KCNE1: variants seen among roughly 807,000 people sequenced by gnomAD.
KCNE1 encodes the protein potassium voltage-gated channel subfamily E regulatory subunit 1.
KCNE1 carries 1 observed loss-of-function variant against 2.9 expected under a neutral mutation model. The ratio of observed to expected loss-of-function variants is 0.34; its 90% confidence interval spans 0.12 to 1.62. KCNE1 has a LOEUF of 1.62. KCNE1 is among the 40% of genes most tolerant of loss of function. KCNE1 has a pLI of 0.36. For missense variants in KCNE1, 45 were observed against 150.5 expected, an observed-to-expected ratio of 0.30 and a Z score of 3.67; for synonymous variants, 23 against 65.4, an observed-to-expected ratio of 0.35 and a Z score of 3.13.
rs187627531 is a variant in KCNE1 at position 34,499,632 on chromosome 21, A to G, written c.-162+11469T>C. On this transcript the variant is annotated intron_variant, in intron 2 of 3. Coordinates refer to ENST00000399286, the MANE Select transcript of KCNE1 (RefSeq NM_000219.6). ...CACTGCTGCTTCTACTTTTATAGAA[A>G]ATATTTTGTACTAAATCCATTTCAG... Among the ~76,000 whole-genome samples the G allele has an allele frequency of 9.8e-5, 15 of 152,310 alleles. No individual in the cohort carries two copies. The East Asian group carries it at 2.9e-3, about 29-fold the overall frequency.
chr21:34,511,331 A>T lies in KCNE1; in HGVS notation c.-376-16T>A. On this transcript the variant is annotated splice_polypyrimidine_tract_variant and intron_variant, in intron 1 of 3. Transcript: ENST00000399286. ...TTGGTGGTTGCTAAGGTTTGAAAAA[A>T]GCCAGCTGGAAACTTAATCCCCAAA... is the stretch of plus-strand genomic sequence containing the variant. 2 of 985,442 alleles carry T rather than the reference A, an allele frequency of 2.0e-6. No individual in the cohort carries two copies. The highest frequency in any genetic ancestry group is 2.4e-6 in the Non-Finnish European group (2 of 829,902). The allele number at this position is 985,442 out of a possible 1,614,324, so 61.0% of individuals were successfully genotyped here.
At chr21:34,498,604 G>A (rs1982952093) in intron 2 of KCNE1, among the ~76,000 whole-genome samples, 1 of 152,244 alleles carries the variant, frequency 6.6e-6, no homozygotes, top group Non-Finnish European at 1.5e-5. Flanking sequence ...CGTGGAGGTG[G>A]CCAGGGAATG....
intron 2 of KCNE1, among the ~76,000 whole-genome samples, chr21:34,497,877 C>CT (rs111292384): frequency 8.6e-5 from 13 of 151,044 alleles, no homozygotes; most frequent in African/African-American, 2.4e-4. Flanking sequence ...TTTTTAAATT[C>CT]TTTTTTTTTC....
chr21:34,505,426 C>T (rs931319237), intron 2 of KCNE1, among the ~76,000 whole-genome samples: 29 of 152,054 alleles, frequency 1.9e-4, no homozygotes, highest in African/African-American at 5.8e-4. Context: ...CGAGCCACCA[C>T]GCCTGACCAC....
chr21:34,508,394 G>A lies in KCNE1; in HGVS notation c.-162+2707C>T, dbSNP rs572667450. 2.6e-5 allele frequency among the ~76,000 whole-genome samples: 4 copies of A among 152,162 alleles called. No homozygotes were observed. In the South Asian group the frequency reaches 8.3e-4, roughly 32 times the overall value. On this transcript the variant is annotated intron_variant, in intron 2 of 3. Transcript: ENST00000399286. ...GTCTTGCTCTGTCACCCAGGCTGGA[G>A]TGCAATGGCGCCATCTCAGCTCACT... is the stretch of plus-strand genomic sequence containing the variant.
intron 2 of KCNE1, among the ~76,000 whole-genome samples, chr21:34,496,080 T>C (rs1982789716): frequency 6.6e-6 from 1 of 152,058 alleles, no homozygotes; most frequent in South Asian, 2.1e-4. Flanking sequence ...CAAATACTTT[T>C]TTTTTTCTTT....
At chr21:34,498,691 G>A (rs991666003) in intron 2 of KCNE1, among the ~76,000 whole-genome samples, 4 of 152,254 alleles carry the variant, frequency 2.6e-5, no homozygotes, top group Non-Finnish European at 4.4e-5. Context: ...TATGTTAACA[G>A]TGAAGTTGTC....
intron 2 of KCNE1, chr21:34,509,439 CCTT>C (rs1446255783): frequency 1.3e-5 from 2 of 151,550 alleles, no homozygotes; most frequent in East Asian, 1.9e-4. Context: ...GGATAATCTT[CCTT>C]CTTTTTTTTT....
intron 2 of KCNE1, among the ~76,000 whole-genome samples, chr21:34,497,935 C>T (rs577399834): frequency 2.6e-4 from 40 of 151,700 alleles, no homozygotes; most frequent in African/African-American, 8.2e-4. Context: ...GTCTTGCCTT[C>T]GAGCTCTGAA....
intron 2 of KCNE1, among the ~76,000 whole-genome samples, chr21:34,496,615 C>T (rs571150073): frequency 1.4e-4 from 22 of 152,008 alleles, no homozygotes; most frequent in Non-Finnish European, 2.1e-4. Context: ...CATGTGCTGA[C>T]GAAAAGAATG....
At chr21:34,511,753 CT>C (rs1377412566) in intron 1 of KCNE1, among the ~76,000 whole-genome samples, 2 of 152,226 alleles carry the variant, frequency 1.3e-5, no homozygotes, top group Non-Finnish European at 2.9e-5. Flanking sequence ...CTGCCCTGCC[CT>C]GCACACAGGA....
intron 2 of KCNE1, among the ~76,000 whole-genome samples, chr21:34,509,105 C>T (rs1369162173): frequency 1.3e-5 from 2 of 152,202 alleles, no homozygotes; most frequent in Admixed American, 6.5e-5. Flanking sequence ...ACTGCAGGTA[C>T]GGGTTGGCTG....
chr21:34,504,090 T>C (rs1343572227), intron 2 of KCNE1, among the ~76,000 whole-genome samples: 1 of 152,196 alleles, frequency 6.6e-6, no homozygotes, highest in East Asian at 1.9e-4. Context: ...TGAGCTCACA[T>C]GGGAAAGATC....
chr21:34,502,047 G>C (rs780911450), intron 2 of KCNE1, among the ~76,000 whole-genome samples: 1 of 152,142 alleles, frequency 6.6e-6, no homozygotes, highest in Non-Finnish European at 1.5e-5. Context: ...TGGGTATTGG[G>C]GACAGAGGAG....
At chr21:34,511,897 C>T (rs1184859348) in intron 1 of KCNE1, 130 bp downstream of exon 1, 1 of 152,266 alleles carries the variant, frequency 6.6e-6, no homozygotes, top group East Asian at 1.9e-4. Context: ...TTAAGCTGAG[C>T]TTAGAGCAAA....
chr21:34,501,832 T>G (rs1390954447), intron 2 of KCNE1, among the ~76,000 whole-genome samples: 2 of 152,194 alleles, frequency 1.3e-5, no homozygotes, highest in Non-Finnish European at 2.9e-5. Context: ...TGTCCAGGAC[T>G]TCTGCAGGTT....
At chr21:34,496,950 A>C (rs1294474979) in intron 2 of KCNE1, among the ~76,000 whole-genome samples, 1 of 152,024 alleles carries the variant, frequency 6.6e-6, no homozygotes, top group Non-Finnish European at 1.5e-5. Flanking sequence ...GTTGTGTTAA[A>C]GTCTGTTTTG....
At position 34,506,522 on chromosome 21, in the gene KCNE1, C is replaced by T. The variant is rs117091871; in HGVS notation, c.-162+4579G>A. On this transcript the variant is annotated intron_variant, in intron 2 of 3. Transcript: ENST00000399286. ...TGCGTCACCCACTTTGCCTTAGGTTCCATTACCTAAGGGACAGACCTGGTG... is the reference window on the plus strand; with the variant it reads ...TGCGTCACCCACTTTGCCTTAGGTTTCATTACCTAAGGGACAGACCTGGTG... 3.9e-3 allele frequency among the ~76,000 whole-genome samples: 594 copies of T among 152,202 alleles called. 4 individuals are homozygous for T. Among genetic ancestry groups the T allele is most frequent in the Non-Finnish European group, 6.8e-3 (461 of 68,002 alleles).
chr21:34,505,808 G>A (rs1341231423), intron 2 of KCNE1, among the ~76,000 whole-genome samples: 2 of 152,194 alleles, frequency 1.3e-5, no homozygotes, highest in African/African-American at 4.8e-5. Context: ...ATGCATTACT[G>A]TAGCTCAAAC....
Sources: allele counts gnomAD v4.1 joint callset (sites outside exome capture counted in the v4.1 genomes callset), GRCh38; gene constraint gnomAD v4.1.1; transcripts MANE v1.5; gene names NCBI Gene and HGNC (gene_info 2026-07-23, HGNC 2026-07-21).